Variants in CIMIP2A observed in about 807,000 individuals in gnomAD.
The protein encoded by CIMIP2A is ciliary microtubule inner protein 2A.
At chr9:137,252,018 CT>C in the CIMIP2A span, 19 of 1,612,102 alleles carry the variant, frequency 1.2e-5, no homozygotes, top group Non-Finnish European at 1.6e-5. Context: ...GCAACGCCCC[CT>C]GATCACAGCT....
chr9:137,243,604 T>A, the CIMIP2A span: 11 of 1,613,180 alleles, frequency 6.8e-6, no homozygotes, highest in Middle Eastern at 1.6e-4. Context: ...AACTCTTTAT[T>A]CACTCCCAGC....
At chr9:137,245,437 G>A in the CIMIP2A span, 50 of 1,613,872 alleles carry the variant, frequency 3.1e-5, 1 homozygote, top group Admixed American at 6.2e-4. Context: ...GGTGTCGGGC[G>A]TGAAGCCTGC....
chr9:137,244,676 A>G, the CIMIP2A span: 1 of 1,613,766 alleles, frequency 6.2e-7, no homozygotes, highest in Non-Finnish European at 8.5e-7. Flanking sequence ...GGCTTGCATG[A>G]CGCCGTCTCG....
chr9:137,247,613 C>G, the CIMIP2A span: 9 of 1,581,040 alleles, frequency 5.7e-6, no homozygotes, highest in East Asian at 2.2e-5. Context: ...CATTCTCCCC[C>G]TCCTGCAGCC....
At chr9:137,251,826 G>A in the CIMIP2A span, 1 of 1,605,694 alleles carries the variant, frequency 6.2e-7, no homozygotes, top group Non-Finnish European at 8.5e-7. Context: ...GATCCCAGTT[G>A]GCCTCAGGTT....
the CIMIP2A span, chr9:137,245,360 C>T: frequency 6.2e-7 from 1 of 1,609,570 alleles, no homozygotes; most frequent in Non-Finnish European, 8.5e-7. Context: ...CAGGCCTCTT[C>T]CCCGTATACT....
chr9:137,244,032 A>C, the CIMIP2A span: 1 of 978,062 alleles, frequency 1.0e-6, no homozygotes, highest in Non-Finnish European at 1.5e-6. Flanking sequence ...GATGGCAGAC[A>C]ATCCTACCCC....
the CIMIP2A span, chr9:137,245,658 G>C: frequency 6.2e-7 from 1 of 1,607,340 alleles, no homozygotes; most frequent in Non-Finnish European, 8.5e-7. Context: ...GGGGGATGTA[G>C]GGCTCCGTCA....
the CIMIP2A span, chr9:137,253,455 C>A: frequency 2.1e-6 from 3 of 1,436,762 alleles, no homozygotes; most frequent in Non-Finnish European, 2.7e-6. Flanking sequence ...CATCTCCCCG[C>A]TACACTGAGA....
the CIMIP2A span, chr9:137,253,192 C>T: frequency 1.2e-6 from 2 of 1,608,492 alleles, no homozygotes; most frequent in African/African-American, 1.3e-5. Context: ...CGTGGTCATC[C>T]AGGGTGTACG....
At chr9:137,252,102 C>A in the CIMIP2A span, 7 of 1,612,308 alleles carry the variant, frequency 4.3e-6, no homozygotes, top group African/African-American at 2.7e-5. Context: ...CCCACACCCC[C>A]ACTACAGCAT....
the CIMIP2A span, among the ~76,000 whole-genome samples, chr9:137,247,135 A>G: frequency 6.6e-6 from 1 of 152,108 alleles, no homozygotes; most frequent in Non-Finnish European, 1.5e-5. Context: ...AAAATACAAA[A>G]TTAGCCAGGT....
the CIMIP2A span, among the ~76,000 whole-genome samples, chr9:137,254,829 G>A: frequency 6.6e-6 from 1 of 152,146 alleles, no homozygotes; most frequent in Non-Finnish European, 1.5e-5. Context: ...CTCCCGCTGC[G>A]GGCCCGGTCT....
At chr9:137,245,408 G>C in the CIMIP2A span, 6 of 1,613,636 alleles carry the variant, frequency 3.7e-6, no homozygotes, top group African/African-American at 2.7e-5. Flanking sequence ...TTCCTGCCTG[G>C]TGGGCACGGA....
chr9:137,253,202 G>A, the CIMIP2A span: 13 of 1,608,606 alleles, frequency 8.1e-6, no homozygotes, highest in African/African-American at 6.7e-5. Context: ...CAGGGTGTAC[G>A]CAGACCCAAG....
chr9:137,244,877 A>T, the CIMIP2A span: 1 of 1,569,424 alleles, frequency 6.4e-7, no homozygotes, highest in Non-Finnish European at 8.6e-7. Flanking sequence ...TGATGTGGCC[A>T]AATGGGAACA....
At chr9:137,253,566 C>A in the CIMIP2A span, 2 of 1,287,218 alleles carry the variant, frequency 1.6e-6, no homozygotes, top group Non-Finnish European at 2.0e-6. Context: ...CCGGCTTTCC[C>A]TGTTGAGGGG....
chr9:137,249,540 C>T, the CIMIP2A span, among the ~76,000 whole-genome samples: 293 of 152,302 alleles, frequency 1.9e-3, 3 homozygotes, highest in East Asian at 0.017. Flanking sequence ...ACCTCCTGCC[C>T]TCCTTTCACC....
chr9:137,252,598 G>A, the CIMIP2A span: 5 of 1,514,824 alleles, frequency 3.3e-6, no homozygotes, highest in Non-Finnish European at 2.7e-6. Context: ...GGGGCCAAAG[G>A]GGGGCTGGCT....
Sources: gnomAD v4.1 joint callset for allele counts (sites outside exome capture counted in the v4.1 genomes callset) on GRCh38, gnomAD v4.1.1 for gene constraint, MANE v1.5 for transcripts, NCBI Gene and HGNC (gene_info 2026-07-23, HGNC 2026-07-21) for gene names.